The following EYA1 variants were observed in gnomAD, a reference collection of about 807,000 sequenced individuals.
EYA1 encodes protein phosphatase EYA1.
In EYA1, 16 loss-of-function variants were observed where a neutral mutation model predicts 82.0. That is an observed-to-expected ratio of 0.20 (90% CI 0.13 to 0.30). The LOEUF is 0.30. Among genes scored for constraint, EYA1 ranks in the 10% least tolerant of loss-of-function variants. The pLI is 1.00. For synonymous variants in EYA1, 261 were observed against 264.4 expected, an observed-to-expected ratio of 0.99 and a Z score of 0.12; for missense variants, 633 against 730.7, an observed-to-expected ratio of 0.87 and a Z score of 1.54.
chr8:71,230,050 A>G (rs1203162775), intron 12 of EYA1, among the ~76,000 whole-genome samples: 1 of 152,152 alleles, frequency 6.6e-6, no homozygotes, highest in African/African-American at 2.4e-5. Context: ...ACTGAGCCCA[A>G]ATAGAGGCCC....
In EYA1 at chr8:71,299,657, C is replaced by A; in HGVS notation, c.620G>T (p.Gly207Val). The A allele has an allele frequency of 6.3e-7, 1 of 1,589,240 alleles. No homozygotes were observed. Among genetic ancestry groups the A allele is most frequent in the Non-Finnish European group, 8.6e-7 (1 of 1,158,324 alleles). The part of the protein sequence containing the change: ...TGNNSLTNSS[G>V]FNSSQQDYPS... Reference sequence around the variant, plus strand: ...AATTACCTGCTGTGAACTATTAAATCCAGAGGAATTTGTGAGTGAATTATT... The same window carrying A: ...AATTACCTGCTGTGAACTATTAAATACAGAGGAATTTGTGAGTGAATTATT... The change falls in exon 8 of 18, where the codon GGA becomes GTA. Residue 207 changes from glycine to valine, a missense_variant. Physicochemically the swap from Gly to Val is moderately radical, Grantham distance 109. Transcript: ENST00000340726.
intron 1 of EYA1, among the ~76,000 whole-genome samples, chr8:71,361,440 T>C (rs1827365799): frequency 6.6e-6 from 1 of 152,240 alleles, no homozygotes; most frequent in Admixed American, 6.5e-5. Flanking sequence ...GCTCATAATT[T>C]GGAGGTTGGG....
At chr8:71,396,980 G>A (rs972657456) in intron 2 of EYA1, among the ~76,000 whole-genome samples, 1 of 152,172 alleles carries the variant, frequency 6.6e-6, no homozygotes. Flanking sequence ...TCCTGTATTG[G>A]ATGCATATAT....
intron 9 of EYA1, among the ~76,000 whole-genome samples, chr8:71,286,451 G>A (rs1339545135): frequency 6.6e-6 from 1 of 152,176 alleles, no homozygotes; most frequent in Non-Finnish European, 1.5e-5. Context: ...CTGGAGGCAT[G>A]GAGCCATGAC....
intron 3 of EYA1, among the ~76,000 whole-genome samples, chr8:71,346,450 A>ATATATATC (rs1388018916): frequency 4.5e-5 from 6 of 134,820 alleles, no homozygotes; most frequent in Middle Eastern, 4.0e-3. Flanking sequence ...ATATATATAT[A>ATATATATC]TATATCTATA....
chr8:71,391,067 G>A lies in EYA1; in HGVS notation c.34-34556C>T, dbSNP rs145600300. Among the ~76,000 whole-genome samples, 81 of 152,084 alleles carry A rather than the reference G, an allele frequency of 5.3e-4. No individual in the cohort carries two copies. In the East Asian group the frequency reaches 8.3e-3, roughly 16 times the overall value. On this transcript the variant is annotated intron_variant, in intron 2 of 18. Coordinates refer to the EYA1 transcript ENST00000643681. ...CGGCTCACTGCAACCTCCACCTTCC[G>A]GGTTCAAGCAATTCTCATGCCTCAG...
At chr8:71,333,736 A>C (rs1055941509) in intron 4 of EYA1, among the ~76,000 whole-genome samples, 1 of 152,218 alleles carries the variant, frequency 6.6e-6, no homozygotes, top group African/African-American at 2.4e-5. Flanking sequence ...AGCGTAAAAC[A>C]CCAAATTTTG....
At chr8:71,276,017 A>C (rs1462146604) in intron 9 of EYA1, among the ~76,000 whole-genome samples, 1 of 152,238 alleles carries the variant, frequency 6.6e-6, no homozygotes, top group Non-Finnish European at 1.5e-5. Flanking sequence ...TGTTCTCTAC[A>C]TCCCTGTTAT....
At chr8:71,524,763 A>G (rs1379419729) in intron 2 of EYA1, among the ~76,000 whole-genome samples, 2 of 152,220 alleles carry the variant, frequency 1.3e-5, no homozygotes, top group East Asian at 1.9e-4. Context: ...GTATGGCCCA[A>G]TACAATGATC....
At position 71,451,116 on chromosome 8, in the gene EYA1, A is replaced by T. The variant is rs140616542; in HGVS notation, c.33+84628T>A. Among the ~76,000 whole-genome samples, 756 of 152,344 alleles carry T rather than the reference A, an allele frequency of 5.0e-3. 8 individuals carry two copies. Among genetic ancestry groups the T allele is most frequent in the South Asian group, 0.013 (64 of 4,824 alleles). On this transcript the variant is annotated intron_variant, in intron 2 of 18. Coordinates refer to the EYA1 transcript ENST00000643681. ...ATGTAATTATACATATTTTTATTCAATGCTGATGGGAATATAAACTGGTAG... is the reference window on the plus strand; with the variant it reads ...ATGTAATTATACATATTTTTATTCATTGCTGATGGGAATATAAACTGGTAG...
intron 2 of EYA1, among the ~76,000 whole-genome samples, chr8:71,480,473 T>A (rs996664302): frequency 1.3e-5 from 2 of 152,156 alleles, no homozygotes; most frequent in Non-Finnish European, 2.9e-5. Flanking sequence ...ACACGCATTG[T>A]CTTAAAGCAT....
intron 4 of EYA1, among the ~76,000 whole-genome samples, chr8:71,331,976 T>C (rs928143766): frequency 6.6e-6 from 1 of 152,130 alleles, no homozygotes. Flanking sequence ...GCCTCCTTAG[T>C]AGCTGGGACC....
chr8:71,298,039 T>A (rs1249864646), intron 9 of EYA1, among the ~76,000 whole-genome samples: 1 of 152,080 alleles, frequency 6.6e-6, no homozygotes, highest in East Asian at 1.9e-4. Flanking sequence ...ACATGAAAAA[T>A]TTTGAAGACT....
At chr8:71,488,409 A>G (rs187729700) in intron 2 of EYA1, among the ~76,000 whole-genome samples, 8 of 152,348 alleles carry the variant, frequency 5.3e-5, no homozygotes, top group African/African-American at 1.7e-4. Context: ...TAGCAATGAA[A>G]AAGAATGAAC....
At chr8:71,465,283 C>T (rs762766865) in intron 2 of EYA1, among the ~76,000 whole-genome samples, 36 of 152,220 alleles carry the variant, frequency 2.4e-4, no homozygotes, top group East Asian at 7.7e-4. Context: ...TCTTATACAA[C>T]GCAAACAAGA....
chr8:71,277,803 T>G (rs1817375280), intron 9 of EYA1, among the ~76,000 whole-genome samples: 1 of 152,200 alleles, frequency 6.6e-6, no homozygotes, highest in African/African-American at 2.4e-5. Context: ...CAGTCTAGTA[T>G]TTATTAAAGC....
At chr8:71,378,618 T>C (rs1220484264) in intron 2 of EYA1, among the ~76,000 whole-genome samples, 1 of 152,144 alleles carries the variant, frequency 6.6e-6, no homozygotes, top group Non-Finnish European at 1.5e-5. Context: ...CACAATAACA[T>C]GTAAGATGTA....
chr8:71,420,214 C>T (rs1314852657), intron 2 of EYA1, among the ~76,000 whole-genome samples: 1 of 152,104 alleles, frequency 6.6e-6, no homozygotes, highest in Non-Finnish European at 1.5e-5. Context: ...TTGAAAGATG[C>T]TAATGTTGCT....
chr8:71,217,510 A>G (rs781618064), intron 12 of EYA1, among the ~76,000 whole-genome samples: 4 of 152,214 alleles, frequency 2.6e-5, no homozygotes, highest in Admixed American at 6.5e-5. Flanking sequence ...TGAGGAGCCC[A>G]GACAAAAAAT....
Sources: allele counts gnomAD v4.1 joint callset (sites outside exome capture counted in the v4.1 genomes callset), GRCh38; gene constraint gnomAD v4.1.1; transcripts MANE v1.5; gene names NCBI Gene and HGNC (gene_info 2026-07-23, HGNC 2026-07-21).